The following QPCT variants were observed in gnomAD, a reference collection of about 807,000 sequenced individuals.
QPCT encodes EC.
Under a neutral mutation model 43.4 loss-of-function variants are expected in QPCT, and 44 were observed. That is an observed-to-expected ratio of 1.01 (90% CI 0.80 to 1.30). The LOEUF is 1.30. Among genes scored for constraint, QPCT ranks in the 50% most tolerant of loss-of-function variants. The pLI, the probability that QPCT is intolerant of heterozygous loss-of-function variation, is 0.00. For synonymous variants in QPCT, 168 were observed against 168.4 expected (o/e 1.00, Z 0.02); for missense variants, 526 against 436.5 (o/e 1.21, Z -1.83).
At chr2:37,359,464 TTAAG>T in intron 2 of QPCT, 112 bp from the exon 3 acceptor site, 2 of 894,722 alleles carry the variant, frequency 2.2e-6, no homozygotes, top group Non-Finnish European at 3.4e-6. Flanking sequence ...TATGAATTCA[TTAAG>T]TGTGTATTCC....
At chr2:37,351,297 A>G (rs544914067) in intron 1 of QPCT, among the ~76,000 whole-genome samples, 1 of 152,332 alleles carries the variant, frequency 6.6e-6, no homozygotes, top group Admixed American at 6.5e-5. Context: ...TTAGGGAAGA[A>G]GTCATCTGAT....
At chr2:37,349,410 A>G (rs10865124) in intron 1 of QPCT, among the ~76,000 whole-genome samples, 97,959 of 152,078 alleles carry the variant, frequency 0.64, 32,442 homozygotes, top group East Asian at 0.91. Flanking sequence ...CTTGTAGTTA[A>G]AGATGCTTGG....
intron 4 of QPCT, 97 bp from the exon 5 acceptor site, chr2:37,369,588 C>A: frequency 2.2e-6 from 2 of 891,576 alleles, no homozygotes; most frequent in South Asian, 1.4e-5. Flanking sequence ...TTCTCAATTA[C>A]TGAAATGCAG....
intron 1 of QPCT, among the ~76,000 whole-genome samples, chr2:37,348,765 A>C (rs1213252724): frequency 1.3e-5 from 2 of 152,196 alleles, no homozygotes; most frequent in Non-Finnish European, 2.9e-5. Context: ...TCTGGATGAA[A>C]AGACAAGGCA....
chr2:37,352,262 C>T (rs903954908), intron 1 of QPCT, among the ~76,000 whole-genome samples: 2 of 152,100 alleles, frequency 1.3e-5, no homozygotes, highest in Non-Finnish European at 2.9e-5. Flanking sequence ...TCTATAAAGT[C>T]TTCCCTGACT....
Position 37,344,714 on chromosome 2 carries a change from C to T in QPCT, c.-18C>T. Reference sequence around the variant, plus strand: ...CGCCAGCGGCCCGGGGAACCCGCTCCCAGACAGACTCGGAGAGATGGCAGG... The same window carrying T: ...CGCCAGCGGCCCGGGGAACCCGCTCTCAGACAGACTCGGAGAGATGGCAGG... On this transcript the variant is annotated 5_prime_UTR_variant, in exon 1 of 7. Transcript: ENST00000338415. 6.3e-7 allele frequency: 1 copy of T among 1,593,578 alleles called. No homozygotes were observed. The highest frequency in any genetic ancestry group is 8.5e-7 in the Non-Finnish European group (1 of 1,171,350).
Position 37,364,358 on chromosome 2 carries a change from A to T in QPCT, c.547-2874A>T, listed in dbSNP as rs1395402272. Among the ~76,000 whole-genome samples the T allele has an allele frequency of 2.0e-5, 3 of 148,862 alleles. No individual in the cohort carries two copies. The East Asian group carries it at 5.8e-4, about 29-fold the overall frequency. On this transcript the variant is annotated intron_variant, in intron 3 of 6. Coordinates refer to ENST00000338415, the MANE Select transcript of QPCT (RefSeq NM_012413.4). The stretch of plus-strand genomic sequence containing the variant: ...TGATGGTGAGGGGAGCCCCAAGATA[A>T]CAAACAGATAGGCAGCAGGCCTAGT...
chr2:37,366,316 C>T (rs1171020938), intron 3 of QPCT, among the ~76,000 whole-genome samples: 1 of 152,122 alleles, frequency 6.6e-6, no homozygotes, highest in East Asian at 1.9e-4. Context: ...TTTCATAAAG[C>T]CCTCCTTGAC....
intron 3 of QPCT, among the ~76,000 whole-genome samples, chr2:37,361,705 GACCAGCAGAGGTTATGT>G (rs1188533408): frequency 1.2e-4 from 18 of 152,190 alleles, no homozygotes; most frequent in Admixed American, 3.3e-4. Context: ...CTCCCTAGCT[GACCAGCAGAGGTTATGT>G]ATCCCAAGAA....
intron 3 of QPCT, among the ~76,000 whole-genome samples, chr2:37,361,065 T>C (rs1672849887): frequency 6.6e-6 from 1 of 152,046 alleles, no homozygotes; most frequent in Non-Finnish European, 1.5e-5. Flanking sequence ...AGTTATTGGA[T>C]TGGGGTCATC....
chr2:37,347,166 C>CATATATATATAACAT (rs1672511327), intron 1 of QPCT, among the ~76,000 whole-genome samples: 2 of 31,184 alleles, frequency 6.4e-5, no homozygotes, highest in African/African-American at 1.7e-4. Context: ...ATATATATAA[C>CATATATATATAACAT]ATATATATAT....
intron 3 of QPCT, among the ~76,000 whole-genome samples, chr2:37,366,682 G>A (rs1672969319): frequency 1.3e-5 from 2 of 152,356 alleles, no homozygotes; most frequent in Admixed American, 6.5e-5. Context: ...AGGTATCAGG[G>A]AGGGGAAAGA....
intron 3 of QPCT, 166 bp downstream of exon 3, chr2:37,360,024 C>T (rs1171022694): frequency 1.3e-6 from 1 of 754,602 alleles, no homozygotes; most frequent in African/African-American, 1.8e-5. Context: ...GGAATATCAA[C>T]CATGGGCAAT....
chr2:37,355,280 T>C (rs927831046), intron 2 of QPCT, among the ~76,000 whole-genome samples: 4 of 152,220 alleles, frequency 2.6e-5, no homozygotes, highest in African/African-American at 9.6e-5. Context: ...AATTCTCATT[T>C]TGAAAGTGAG....
rs369068125 is a variant in QPCT at position 37,344,700 on chromosome 2, C to G, written c.-32C>G. ...CCCGGGCTCGTGACCGCCAGCGGCC[C>G]GGGGAACCCGCTCCCAGACAGACTC... On this transcript the variant is annotated 5_prime_UTR_variant, in exon 1 of 7. Transcript: ENST00000338415. 3.1e-4 allele frequency: 488 copies of G among 1,579,834 alleles called. 1 individual carries two copies. The African/African-American group carries it at 3.9e-3, about 13-fold the overall frequency.
At chr2:37,353,697 A>G (rs72864851) in intron 2 of QPCT, among the ~76,000 whole-genome samples, 5,968 of 151,730 alleles carry the variant, frequency 0.039, 386 homozygotes, top group African/African-American at 0.14. Context: ...GCAATCTGAA[A>G]CCTCACCTCT....
intron 1 of QPCT, among the ~76,000 whole-genome samples, chr2:37,345,987 G>C (rs886970243): frequency 2.6e-5 from 4 of 152,184 alleles, no homozygotes; most frequent in African/African-American, 9.7e-5. Context: ...ATGTTATAGA[G>C]ATATTAAGAA....
intron 3 of QPCT, among the ~76,000 whole-genome samples, chr2:37,362,236 C>T (rs17020575): frequency 0.055 from 8,317 of 152,276 alleles, 725 homozygotes; most frequent in African/African-American, 0.19. Context: ...CAACCGGTCC[C>T]GTTCTGCCCT....
rs1238564150 is a variant in QPCT at position 37,368,154 on chromosome 2, T to C, written c.723+746T>C. ...AGTATTACCGTGACTCCAGTGTGACTATGACAGTTTGATGTGTTGGTTTTG... is the reference window on the plus strand; with the variant it reads ...AGTATTACCGTGACTCCAGTGTGACCATGACAGTTTGATGTGTTGGTTTTG... On this transcript the variant is annotated intron_variant, in intron 4 of 6. Coordinates refer to ENST00000338415, the MANE Select transcript of QPCT (RefSeq NM_012413.4). The C allele has an allele frequency of 2.4e-5, 4 of 163,484 alleles. No individual in the cohort carries two copies. In the Admixed American group the frequency reaches 2.5e-4, roughly 10 times the overall value. The allele number at this position is 163,484 out of a possible 1,614,324, so 10.1% of individuals were successfully genotyped here. A position where few individuals can be genotyped will look rare whatever the true frequency, so the allele number is the denominator to read the frequency against.
Sources: gnomAD v4.1 joint callset for allele counts (sites outside exome capture counted in the v4.1 genomes callset) on GRCh38, gnomAD v4.1.1 for gene constraint, MANE v1.5 for transcripts, NCBI Gene and HGNC (gene_info 2026-07-23, HGNC 2026-07-21) for gene names.